The following SARS1 variants were observed in gnomAD, a reference collection of about 807,000 sequenced individuals.
The protein encoded by SARS1 is serine--tRNA ligase, cytoplasmic.
SARS1 carries 25 observed loss-of-function variants against 63.7 expected under a neutral mutation model. The ratio of observed to expected loss-of-function variants is 0.39; its 90% CI spans 0.29 to 0.55. The LOEUF (loss-of-function observed/expected upper bound fraction) is 0.55. Among genes scored for constraint, SARS1 ranks in the 20% least tolerant of loss-of-function variants. The pLI, the probability that SARS1 is intolerant of heterozygous loss-of-function variation, is 0.62. For missense variants in SARS1, 417 were observed against 649.7 expected (o/e 0.64, Z 3.89); for synonymous variants, 231 against 243.5 (o/e 0.95, Z 0.48).
At position 109,214,023 on chromosome 1, in the gene SARS1, G is replaced by A; in HGVS notation, c.31G>A (p.Asp11Asn). 4 of 1,613,886 alleles carry A rather than the reference G, an allele frequency of 2.5e-6. No homozygotes were observed. The highest frequency in any genetic ancestry group is 3.4e-6 in the Non-Finnish European group (4 of 1,179,914). The change falls in exon 1 of 11, where the codon GAT becomes AAT. Residue 11 changes from aspartate (D) to asparagine (N), a missense_variant. Asp to Asn is a conservative substitution (Grantham distance 23). Coordinates refer to ENST00000234677, the MANE Select transcript of SARS1 (RefSeq NM_006513.4). The surrounding 1 kb of genome is among the most constrained non-coding windows in gnomAD (Gnocchi z 4.6). ...GCTGGATCTGGATTTGTTTCGGGTG[G>A]ATAAAGGAGGGGACCCAGCCCTCAT... MVLDLDLFRV[D>N]KGGDPALIRE...
chr1:109,235,526 C>T lies in SARS1; in HGVS notation c.969+95C>T. On this transcript the variant is annotated intron_variant, in intron 7 of 10. Transcript: ENST00000234677. The surrounding 1 kb of genome is among the most constrained non-coding windows in gnomAD (Gnocchi z 4.7). ...TCTGTGTTGCTGAGGCCCATCCTGG[C>T]TCCAGCTTTTCCTCTCATTGCTTAC... 1 of 1,013,442 alleles carries T rather than the reference C, an allele frequency of 9.9e-7. No homozygotes were observed. The highest frequency in any genetic ancestry group is 2.6e-5 in the East Asian group (1 of 38,558). 62.8% of individuals were successfully genotyped at this position (1,013,442 alleles called of 1,614,324 possible).
In SARS1 at chr1:109,214,673, G is replaced by A. The variant is rs4970829; in HGVS notation, c.136+545G>A. ...AAATAAATGACCCTGAAGCTTTTCG[G>A]AAGGCCATCCCCCGACCTATGGGCA... On this transcript the variant is annotated intron_variant, in intron 1 of 10. Coordinates refer to ENST00000234677, the MANE Select transcript of SARS1 (RefSeq NM_006513.4). This position sits in a 1 kb window ranked among gnomAD's most constrained non-coding sequence, Gnocchi z 4.6. The A allele has an allele frequency of 0.065, 64,475 of 985,564 alleles. 2,343 individuals carry two copies. The highest frequency in any genetic ancestry group is 0.072 in the Non-Finnish European group (59,578 of 830,024). 61.1% of individuals were successfully genotyped at this position (985,564 alleles called of 1,614,324 possible). A position where few individuals can be genotyped will look rare whatever the true frequency, so the allele number is the denominator to read the frequency against.
At chr1:109,223,057 T>C (rs1335070111) in intron 1 of SARS1, among the ~76,000 whole-genome samples, 2 of 152,174 alleles carry the variant, frequency 1.3e-5, no homozygotes, top group Admixed American at 1.3e-4. Flanking sequence ...ATATTGCCCC[T>C]GACGTTTAGA....
intron 2 of SARS1, among the ~76,000 whole-genome samples, chr1:109,226,133 A>G (rs1035031438): frequency 2.9e-5 from 4 of 138,354 alleles, no homozygotes; most frequent in Non-Finnish European, 6.2e-5. Flanking sequence ...GCATGCCACC[A>G]CACTCGGCTA....
chr1:109,216,566 C>G, intron 1 of SARS1: 1 of 985,020 alleles, frequency 1.0e-6, no homozygotes, highest in Non-Finnish European at 1.2e-6. Flanking sequence ...TTTTATCCTC[C>G]CTCAAAAAGT....
chr1:109,226,995 C>CTTTT (rs562155510), intron 2 of SARS1, among the ~76,000 whole-genome samples: 1 of 131,246 alleles, frequency 7.6e-6, no homozygotes, highest in Non-Finnish European at 1.6e-5. Flanking sequence ...TTCTTTAACT[C>CTTTT]TTTTTTTTTT....
chr1:109,234,877 A>G (rs1655277845), intron 6 of SARS1, among the ~76,000 whole-genome samples: 1 of 152,158 alleles, frequency 6.6e-6, no homozygotes, highest in Non-Finnish European at 1.5e-5. Flanking sequence ...GAGGTGGGAG[A>G]GTCGCTTGAA....
intron 1 of SARS1, among the ~76,000 whole-genome samples, chr1:109,218,050 G>A (rs1033929094): frequency 3.3e-5 from 5 of 151,614 alleles, no homozygotes; most frequent in Non-Finnish European, 7.4e-5. Flanking sequence ...ATAATTAGCC[G>A]GGCATGGTGG....
Position 109,215,528 on chromosome 1 carries a change from T to A in SARS1, c.136+1400T>A, listed in dbSNP as rs149471279. ...TACATATACACATTTATACATAAAA[T>A]CCCAGTACCTAGCACTGTACCTGGT... On this transcript the variant is annotated intron_variant, in intron 1 of 10. Coordinates refer to ENST00000234677, the MANE Select transcript of SARS1 (RefSeq NM_006513.4). 1.2e-3 allele frequency: 1,201 copies of A among 985,324 alleles called. 14 individuals are homozygous for A. The South Asian group carries it at 0.025, about 21-fold the overall frequency. The allele number at this position is 985,324 out of a possible 1,614,324, so 61.0% of individuals were successfully genotyped here. A position where few individuals can be genotyped will look rare whatever the true frequency, so the allele number is the denominator to read the frequency against.
At chr1:109,234,316 G>C (rs953047569) in intron 6 of SARS1, among the ~76,000 whole-genome samples, 2 of 152,130 alleles carry the variant, frequency 1.3e-5, no homozygotes, top group African/African-American at 4.8e-5. Context: ...GAGCCACCGT[G>C]CCTGGCCACC....
chr1:109,221,727 A>G (rs1654931986), intron 1 of SARS1, among the ~76,000 whole-genome samples: 1 of 152,092 alleles, frequency 6.6e-6, no homozygotes. Context: ...TTGCTGAGAG[A>G]AATTAAAAAC....
rs66652692 is a variant in SARS1, at chr1:109,226,663, T to TAAAAA, written c.208-1678_208-1674dup. The stretch of plus-strand genomic sequence containing the variant: ...TGTACTCCACTATGCCTGGCTAATT[T>TAAAAA]AAAAAAAAAAAAAAATATATATATA... On this transcript the variant is annotated intron_variant, in intron 2 of 10. Coordinates refer to ENST00000234677, the MANE Select transcript of SARS1 (RefSeq NM_006513.4). Among the ~76,000 whole-genome samples the TAAAAA allele has an allele frequency of 3.7e-3, 203 of 55,414 alleles. 2 individuals carry two copies. The highest frequency in any genetic ancestry group is 4.1e-3 in the African/African-American group (56 of 13,530). 36.4% of individuals were successfully genotyped at this position (55,414 alleles called of 152,430 possible).
intron 4 of SARS1, among the ~76,000 whole-genome samples, chr1:109,230,382 A>G (rs1323662301): frequency 1.3e-5 from 2 of 152,164 alleles, no homozygotes; most frequent in Non-Finnish European, 2.9e-5. Context: ...GTAAGTTACT[A>G]CTTCTCCATT....
intron 1 of SARS1, among the ~76,000 whole-genome samples, chr1:109,221,988 A>T (rs12403825): frequency 1.8e-4 from 1 of 5,480 alleles, no homozygotes; most frequent in Non-Finnish European, 3.5e-4. Flanking sequence ...ATATATATAT[A>T]TATATATATA....
chr1:109,215,018 A>G (rs1654752824), intron 1 of SARS1: 5 of 985,484 alleles, frequency 5.1e-6, no homozygotes, highest in Middle Eastern at 5.2e-4. Flanking sequence ...GTCTGCAACC[A>G]TCTGGGAGCT....
intron 2 of SARS1, among the ~76,000 whole-genome samples, chr1:109,226,673 A>AT (rs1362263446): frequency 2.5e-4 from 8 of 32,104 alleles, no homozygotes; most frequent in African/African-American, 6.4e-4. Flanking sequence ...TAAAAAAAAA[A>AT]AAAAATATAT....
intron 2 of SARS1, among the ~76,000 whole-genome samples, chr1:109,227,917 CA>C (rs5776968): frequency 1.2e-3 from 144 of 121,832 alleles, no homozygotes; most frequent in Admixed American, 1.5e-3. Context: ...GAGACTCCGT[CA>C]AAAAAAAAAA....
chr1:109,236,228 T>C (rs1267582746), intron 8 of SARS1, 122 bp downstream of exon 8: 1 of 1,334,236 alleles, frequency 7.5e-7, no homozygotes, highest in Admixed American at 2.2e-5. Flanking sequence ...TTAATTAAAA[T>C]ATTACACTCT....
Position 109,214,488 on chromosome 1 carries a change from C to T in SARS1, c.136+360C>T, listed in dbSNP as rs190110682. ...GCTTTCCTAACACGAATCTTTGGTCCCCCCCAGTCTTTTTCTCATCTTCAG... is the reference window on the plus strand; with the variant it reads ...GCTTTCCTAACACGAATCTTTGGTCTCCCCCAGTCTTTTTCTCATCTTCAG... On this transcript the variant is annotated intron_variant, in intron 1 of 10. Coordinates refer to ENST00000234677, the MANE Select transcript of SARS1 (RefSeq NM_006513.4). This position sits in a 1 kb window ranked among gnomAD's most constrained non-coding sequence, Gnocchi z 4.6. The T allele has an allele frequency of 7.0e-6, 7 of 1,002,452 alleles. No individual in the cohort carries two copies. The African/African-American group carries it at 8.6e-5, about 12-fold the overall frequency. The allele number at this position is 1,002,452 out of a possible 1,614,324, so 62.1% of individuals were successfully genotyped here.
Sources: gnomAD v4.1 joint callset for allele counts (sites outside exome capture counted in the v4.1 genomes callset) on GRCh38, gnomAD v4.1.1 for gene constraint, Gnocchi (gnomAD v3.1) non-coding constraint, MANE v1.5 for transcripts, NCBI Gene and HGNC (gene_info 2026-07-23, HGNC 2026-07-21) for gene names.